The following VAV2 variants were observed in gnomAD, a reference collection of about 807,000 sequenced individuals.
The protein encoded by VAV2 is guanine nucleotide exchange factor VAV2.
VAV2 carries 67 observed loss-of-function variants against 132.5 expected under a neutral mutation model. The observed-to-expected ratio is 0.51, with a 90% CI of 0.42 to 0.62. The LOEUF (loss-of-function observed/expected upper bound fraction) is 0.62. Ranked by LOEUF, VAV2 falls within the 20% of genes least tolerant of loss-of-function variation. The probability of loss-of-function intolerance (pLI) is 0.00; values close to 1 mark genes in which losing one functional copy is unlikely to be tolerated. For synonymous variants in VAV2, 492 were observed against 443.5 expected (o/e 1.11, Z -1.37); for missense variants, 938 against 1,153.6 (o/e 0.81, Z 2.71).
At chr9:133,847,492 T>C (rs890450516) in intron 3 of VAV2, among the ~76,000 whole-genome samples, 5 of 152,122 alleles carry the variant, frequency 3.3e-5, no homozygotes, top group Non-Finnish European at 5.9e-5. Context: ...AGATGACGCA[T>C]GAGGCTGGTT....
chr9:133,920,083 C>T (rs970893749), intron 2 of VAV2, among the ~76,000 whole-genome samples: 22 of 152,252 alleles, frequency 1.4e-4, no homozygotes, highest in African/African-American at 5.3e-4. Context: ...GGTACTCCCT[C>T]TTACCGCACA....
intron 3 of VAV2, among the ~76,000 whole-genome samples, chr9:133,859,669 T>C (rs1056982269): frequency 3.3e-5 from 5 of 150,216 alleles, no homozygotes; most frequent in African/African-American, 1.2e-4. Flanking sequence ...CTGGGGAGTA[T>C]AACCACGCCA....
intron 27 of VAV2, among the ~76,000 whole-genome samples, chr9:133,770,118 T>C (rs1162234200): frequency 1.3e-5 from 2 of 152,142 alleles, no homozygotes; most frequent in Non-Finnish European, 1.5e-5. Context: ...ACCTGGCCCC[T>C]CCAACCCCCA....
intron 2 of VAV2, among the ~76,000 whole-genome samples, chr9:133,906,725 A>G (rs1453223016): frequency 2.0e-5 from 3 of 152,186 alleles, no homozygotes; most frequent in Non-Finnish European, 4.4e-5. Context: ...CACAGCTCAC[A>G]AGTCAGAACC....
At chr9:133,777,838 C>CAT (rs1287145548) in intron 22 of VAV2, among the ~76,000 whole-genome samples, 1 of 152,246 alleles carries the variant, frequency 6.6e-6, no homozygotes, top group Non-Finnish European at 1.5e-5. Flanking sequence ...AGAAATCCAT[C>CAT]ACCGAGTATG....
chr9:133,897,747 A>G (rs1469037271), intron 2 of VAV2, among the ~76,000 whole-genome samples: 2 of 152,156 alleles, frequency 1.3e-5, no homozygotes, highest in African/African-American at 4.8e-5. Flanking sequence ...AGGTCAAGAT[A>G]ATGCCAGACC....
At chr9:133,972,538 G>A (rs1280793296) in intron 1 of VAV2, among the ~76,000 whole-genome samples, 11 of 152,218 alleles carry the variant, frequency 7.2e-5, no homozygotes, top group South Asian at 2.1e-4. Context: ...GCCGAGGGGC[G>A]GCCCGCCTCC....
chr9:133,960,771 C>A (rs764271619), intron 1 of VAV2, among the ~76,000 whole-genome samples: 4 of 152,206 alleles, frequency 2.6e-5, no homozygotes, highest in Non-Finnish European at 4.4e-5. Context: ...ACGCAGGAGT[C>A]CCGAACCCAG....
chr9:133,889,407 G>C (rs1224641177), intron 2 of VAV2, among the ~76,000 whole-genome samples: 1 of 152,166 alleles, frequency 6.6e-6, no homozygotes, highest in African/African-American at 2.4e-5. Context: ...GGAGTCAAAG[G>C]GGTGGGGGAA....
At chr9:133,964,022 C>T (rs1174570122) in intron 1 of VAV2, among the ~76,000 whole-genome samples, 2 of 93,858 alleles carry the variant, frequency 2.1e-5, no homozygotes, top group Admixed American at 1.3e-4. Context: ...ATTATTCATT[C>T]ATATATATAT....
chr9:133,976,167 C>T (rs1053867130), intron 1 of VAV2, among the ~76,000 whole-genome samples: 33 of 152,078 alleles, frequency 2.2e-4, no homozygotes, highest in African/African-American at 7.2e-4. Flanking sequence ...GATCGCACCA[C>T]TGCACTCCAG....
intron 3 of VAV2, among the ~76,000 whole-genome samples, chr9:133,853,902 C>T (rs1217108635): frequency 6.6e-6 from 1 of 152,150 alleles, no homozygotes; most frequent in Non-Finnish European, 1.5e-5. Flanking sequence ...TGGCATGATC[C>T]CTACATTCAG....
intron 3 of VAV2, among the ~76,000 whole-genome samples, chr9:133,844,307 G>C (rs914542851): frequency 6.6e-6 from 1 of 152,208 alleles, no homozygotes; most frequent in African/African-American, 2.4e-5. Flanking sequence ...TGGTCCACAG[G>C]GTGTCCTTCC....
chr9:133,774,504 G>A lies in VAV2; in HGVS notation c.2135+431C>T, dbSNP rs114839304. 2.6e-3 allele frequency among the ~76,000 whole-genome samples: 402 copies of A among 152,300 alleles called. 3 individuals are homozygous for A. Among genetic ancestry groups the A allele is most frequent in the African/African-American group, 8.2e-3 (340 of 41,560 alleles). On this transcript the variant is annotated intron_variant, in intron 25 of 29. Coordinates refer to ENST00000371850, the MANE Select transcript of VAV2 (RefSeq NM_001134398.2). ...AGGATGCCCAGACTGTGCCAAAGCC[G>A]CAAGGCAGCAGTAGTCACAGGAGAC...
rs540173319 is a variant in VAV2, at chr9:133,879,815, C to T, written c.322-18383G>A. On this transcript the variant is annotated intron_variant, in intron 2 of 29. Coordinates refer to ENST00000371850, the MANE Select transcript of VAV2 (RefSeq NM_001134398.2). The surrounding 1 kb of genome is among the most constrained non-coding windows in gnomAD (Gnocchi z 4.4). ...CTAAAGTGATTTTTCCTCCCCGGTG[C>T]TTTGTGTTTATGGAAACAGATGGAA... Among the ~76,000 whole-genome samples, 117 of 152,272 alleles carry T rather than the reference C, an allele frequency of 7.7e-4. No homozygotes were observed. The highest frequency in any genetic ancestry group is 1.2e-3 in the South Asian group (6 of 4,818).
chr9:133,881,584 AGAGAAAGGCCT>A (rs1227764054), intron 2 of VAV2, among the ~76,000 whole-genome samples: 1 of 152,212 alleles, frequency 6.6e-6, no homozygotes, highest in African/African-American at 2.4e-5. Flanking sequence ...GGGAAGGTGC[AGAGAAAGGCCT>A]GAGATCCATG....
At chr9:133,936,192 T>A (rs1225599840) in intron 2 of VAV2, among the ~76,000 whole-genome samples, 1 of 151,198 alleles carries the variant, frequency 6.6e-6, no homozygotes, top group African/African-American at 2.4e-5. Flanking sequence ...GGGGTCCAAG[T>A]CCATGTGCTC....
chr9:133,949,292 C>A (rs112414792), intron 1 of VAV2, among the ~76,000 whole-genome samples: 1,604 of 152,306 alleles, frequency 0.011, 29 homozygotes, highest in African/African-American at 0.037. Flanking sequence ...GACGCCCTGA[C>A]CCAATTCCGG....
intron 2 of VAV2, among the ~76,000 whole-genome samples, chr9:133,937,493 AGT>A (rs370759673): frequency 1.3e-5 from 2 of 149,038 alleles, no homozygotes; most frequent in African/African-American, 5.0e-5. Context: ...TGGGTGCAAG[AGT>A]GTGTGCGTGT....
Sources: allele counts gnomAD v4.1 joint callset (sites outside exome capture counted in the v4.1 genomes callset), GRCh38; gene constraint gnomAD v4.1.1; non-coding constraint Gnocchi (gnomAD v3.1); transcripts MANE v1.5; gene names NCBI Gene and HGNC (gene_info 2026-07-23, HGNC 2026-07-21).